FAM234A: variants seen among roughly 807,000 people sequenced by gnomAD.
FAM234A encodes family with sequence similarity 234 member A, also known as protein FAM234A.
FAM234A carries 42 observed loss-of-function variants against 49.1 expected under a neutral mutation model. The ratio of observed to expected loss-of-function variants is 0.86; its 90% CI spans 0.67 to 1.11. The LOEUF (loss-of-function observed/expected upper bound fraction) is 1.11, where lower values mean the gene tolerates loss of function less well. Ranked by LOEUF, FAM234A falls within the 50% of genes least tolerant of loss-of-function variation. The pLI is 0.00. For synonymous variants in FAM234A, 369 were observed against 316.2 expected (o/e 1.17, Z -1.77); for missense variants, 815 against 745.2 (o/e 1.09, Z -1.09).
chr16:241,035 T>G (rs1362007755), intron 1 of FAM234A, among the ~76,000 whole-genome samples: 3 of 152,048 alleles, frequency 2.0e-5, no homozygotes, highest in Non-Finnish European at 4.4e-5. Flanking sequence ...CAAGGGAACC[T>G]CAGTCTCTCG....
In FAM234A at chr16:264,001, C is replaced by A; in HGVS notation, c.1189-15C>A. 1 of 1,604,806 alleles carries A rather than the reference C, an allele frequency of 6.2e-7. No homozygotes were observed. The highest frequency in any genetic ancestry group is 8.5e-7 in the Non-Finnish European group (1 of 1,174,262). On this transcript the variant is annotated splice_polypyrimidine_tract_variant and intron_variant, in intron 10 of 12. Coordinates refer to ENST00000399932, the MANE Select transcript of FAM234A (RefSeq NM_032039.4). ...GCCCCCACGTTGGCCCCCACAGTGT[C>A]CCCTCCCTCCCCAGATCCTGTTTCT...
In FAM234A at chr16:236,389, T is replaced by C. The variant is rs112045923; in HGVS notation, c.-140+1532T>C. Among the ~76,000 whole-genome samples, 1,112 of 145,608 alleles carry C rather than the reference T, an allele frequency of 7.6e-3. 15 individuals carry two copies. The highest frequency in any genetic ancestry group is 0.027 in the African/African-American group (1,064 of 39,290). Reference sequence around the variant, plus strand: ...CCTGTAATCCCAGCACTTTGGGAGTTTGGGGTAGGCGGATCACTAGGTCAA... The same window carrying C: ...CCTGTAATCCCAGCACTTTGGGAGTCTGGGGTAGGCGGATCACTAGGTCAA... On this transcript the variant is annotated intron_variant, in intron 1 of 12. Transcript: ENST00000399932.
rs185882353 is a variant in FAM234A, at chr16:264,763, C to T, written c.1447+47C>T. The stretch of plus-strand genomic sequence containing the variant: ...GACCCGGGTGTTCCGCGGGGTCTGC[C>T]CTGGCTGGTCCTGAGCCGCCCTGAC... On this transcript the variant is annotated intron_variant, in intron 12 of 12. Transcript: ENST00000399932. 106 of 1,606,962 alleles carry T rather than the reference C, an allele frequency of 6.6e-5. No homozygotes were observed. In the African/African-American group the frequency reaches 1.3e-3, roughly 20 times the overall value.
chr16:240,150 A>C (rs950683101), intron 1 of FAM234A: 3 of 152,116 alleles, frequency 2.0e-5, no homozygotes, highest in Admixed American at 6.5e-5. Context: ...ACATTGTGTA[A>C]ATACATTTCT....
In FAM234A at chr16:261,483, A is replaced by T; in HGVS notation, c.677A>T (p.Asp226Val). 1 of 1,611,658 alleles carries T rather than the reference A, an allele frequency of 6.2e-7. No homozygotes were observed. Among genetic ancestry groups the T allele is most frequent in the Non-Finnish European group, 8.5e-7 (1 of 1,179,258 alleles). Residue 226 changes from aspartate to valine, a missense_variant, in exon 6 of 13, where the codon GAC (aspartate) becomes GTC (valine). Asp to Val is a radical substitution (Grantham distance 152, BLOSUM62 -3). Transcript: ENST00000399932. ...VPDVDGDGAP[D>V]LLVLTQEREE... is the part of the protein sequence containing the mutation. ...GATGTGGACGGCGATGGGGCCCCAG[A>T]CCTGCTGGTTCTCACCCAGGAGCGG...
intron 1 of FAM234A, among the ~76,000 whole-genome samples, chr16:238,399 G>T (rs1261619623): frequency 2.0e-5 from 3 of 152,140 alleles, no homozygotes; most frequent in Admixed American, 2.0e-4. Context: ...TTCAGCTGGG[G>T]TGCTGGCCGT....
intron 1 of FAM234A, among the ~76,000 whole-genome samples, chr16:237,485 A>G (rs549347821): frequency 1.3e-5 from 2 of 152,180 alleles, no homozygotes; most frequent in East Asian, 3.9e-4. Flanking sequence ...AACAAATAAA[A>G]TAAAAGCTGG....
chr16:266,121 G>T (rs770813091), downstream of FAM234A: 2 of 977,202 alleles, frequency 2.0e-6, no homozygotes, highest in Non-Finnish European at 2.4e-6. Flanking sequence ...CGTGAGCCTA[G>T]CGTGTGTGCG....
intron 1 of FAM234A, among the ~76,000 whole-genome samples, chr16:246,154 G>C (rs1457985855): frequency 6.6e-6 from 1 of 151,648 alleles, no homozygotes; most frequent in Non-Finnish European, 1.5e-5. Context: ...GGCAGAGGTT[G>C]CAGTGAGCCA....
At chr16:263,108 G>A (rs900455536) in intron 8 of FAM234A, among the ~76,000 whole-genome samples, 154 bp from the exon 9 acceptor site, 6 of 152,114 alleles carry the variant, frequency 3.9e-5, no homozygotes, top group African/African-American at 1.4e-4. Context: ...ATGAGCCACC[G>A]CGCCCAGCTC....
chr16:261,680 CAG>C (rs1409638292), intron 6 of FAM234A, among the ~76,000 whole-genome samples, 166 bp downstream of exon 6: 5 of 152,238 alleles, frequency 3.3e-5, no homozygotes. Flanking sequence ...CCAGCATACT[CAG>C]GGGGCTCCAT....
intron 1 of FAM234A, among the ~76,000 whole-genome samples, chr16:235,322 C>G (rs924825715): frequency 1.3e-5 from 2 of 152,104 alleles, no homozygotes; most frequent in African/African-American, 4.8e-5. Flanking sequence ...GGCGTGTCCT[C>G]TCTCGGGACG....
downstream of FAM234A, chr16:266,173 T>C: frequency 1.1e-6 from 1 of 888,004 alleles, no homozygotes; most frequent in Non-Finnish European, 1.3e-6. Flanking sequence ...AATGGATTTG[T>C]TCCTGGAGGA....
At chr16:266,560 G>C (rs915684298), downstream of FAM234A, among the ~76,000 whole-genome samples, 6 of 152,150 alleles carry the variant, frequency 3.9e-5, no homozygotes, top group Admixed American at 2.0e-4. Flanking sequence ...AGGTGCTTTA[G>C]AGAGCCCTGC....
chr16:264,487 TG>T, intron 11 of FAM234A, 126 bp from the exon 12 acceptor site: 1 of 763,200 alleles, frequency 1.3e-6, no homozygotes, highest in Non-Finnish European at 2.1e-6. Flanking sequence ...AACTGGGGGC[TG>T]GCATTTGGGG....
chr16:258,408 C>A (rs957129097), intron 3 of FAM234A, among the ~76,000 whole-genome samples: 2 of 151,948 alleles, frequency 1.3e-5, no homozygotes, highest in African/African-American at 4.8e-5. Flanking sequence ...CATCTTGCAC[C>A]GCCCTTAATC....
intron 1 of FAM234A, among the ~76,000 whole-genome samples, chr16:241,718 C>CT (rs1283967265): frequency 1.1e-4 from 17 of 151,856 alleles, no homozygotes. Flanking sequence ...CAGATCGAGA[C>CT]CATCCTGGCT....
chr16:240,287 T>TAG (rs1434586413), intron 1 of FAM234A: 1 of 152,226 alleles, frequency 6.6e-6, no homozygotes, highest in African/African-American at 2.4e-5. Context: ...GTGAGTTATC[T>TAG]TACTTGTCTT....
At chr16:268,824 C>T (rs572158496), downstream of FAM234A, 70 of 1,550,340 alleles carry the variant, frequency 4.5e-5, no homozygotes, top group African/African-American at 6.2e-4. Context: ...GCAGAGCTCG[C>T]GCCGAGACCT....
Sources: allele counts gnomAD v4.1 joint callset (sites outside exome capture counted in the v4.1 genomes callset), GRCh38; gene constraint gnomAD v4.1.1; transcripts MANE v1.5; gene names NCBI Gene and HGNC (gene_info 2026-07-23, HGNC 2026-07-21).